MACF1: variants seen among roughly 807,000 people sequenced by gnomAD.
The protein encoded by MACF1 is microtubule-actin cross-linking factor 1.
MACF1 carries 193 observed loss-of-function variants against 854.8 expected under a neutral mutation model. That is an observed-to-expected ratio of 0.23 (90% CI 0.20 to 0.25). MACF1 has a LOEUF of 0.25. Ranked by LOEUF, MACF1 falls within the 10% of genes least tolerant of loss-of-function variation. MACF1 has a pLI of 1.00. For missense variants in MACF1, 7,722 were observed against 8,929.1 expected (o/e 0.86, Z 5.45); for synonymous variants, 3,185 against 3,226.7 (o/e 0.99, Z 0.44).
chr1:39,425,032 T>G (rs181275505), intron 61 of MACF1, among the ~76,000 whole-genome samples: 2 of 152,346 alleles, frequency 1.3e-5, no homozygotes, highest in Admixed American at 1.3e-4. Context: ...ATGGAAAGAA[T>G]TTAACTTACT....
intron 56 of MACF1, among the ~76,000 whole-genome samples, chr1:39,383,662 G>T (rs1650440660): frequency 6.6e-6 from 1 of 152,168 alleles, no homozygotes; most frequent in Non-Finnish European, 1.5e-5. Flanking sequence ...CAGATCACGA[G>T]GTCAGGAGAT....
intron 1 of MACF1, among the ~76,000 whole-genome samples, chr1:39,220,313 C>CAGG (rs1644634821): frequency 6.6e-6 from 1 of 151,486 alleles, no homozygotes; most frequent in African/African-American, 2.4e-5. Flanking sequence ...GCTGGGATTA[C>CAGG]AGGAGCGCAC....
In MACF1 at chr1:39,332,910, C is replaced by T; in HGVS notation, c.6322C>T (p.Gln2108Ter). 1.9e-6 allele frequency: 3 copies of T among 1,614,106 alleles called. No homozygotes were observed. Among genetic ancestry groups the T allele is most frequent in the Non-Finnish European group, 2.5e-6 (3 of 1,180,028 alleles). ...INKVKLEVQR[Q>*]LIGTQREDQT... is the part of the protein sequence containing the mutation. ...TAAAGTCAAATTAGAGGTACAAAGG[C>T]AGTTGATAGGTACCCAAAGGGAAGA... Residue 2108 changes from glutamine (Q) to a stop codon, truncating the protein, a stop_gained, in exon 37 of 101, where the codon CAG becomes TAG. Coordinates refer to ENST00000564288, the MANE Select transcript of MACF1 (RefSeq NM_001394062.1). LOFTEE classifies it high-confidence loss of function.
At chr1:39,370,426 A>G (rs1028610064) in intron 51 of MACF1, among the ~76,000 whole-genome samples, 5 of 152,226 alleles carry the variant, frequency 3.3e-5, no homozygotes, top group Non-Finnish European at 5.9e-5. Flanking sequence ...TAACCAGATA[A>G]TATGATCAGG....
intron 11 of MACF1, 47 bp downstream of exon 11, chr1:39,284,475 A>G (rs1041780565): frequency 2.4e-5 from 31 of 1,269,276 alleles, no homozygotes; most frequent in Non-Finnish European, 3.3e-5. Context: ...GCTGGTCTGT[A>G]CTGTTGTTGC....
At chr1:39,469,685 G>A (rs1644740062) in intron 97 of MACF1, 70 bp downstream of exon 97, 2 of 1,205,740 alleles carry the variant, frequency 1.7e-6, no homozygotes, top group African/African-American at 1.5e-5. Flanking sequence ...TTCTTAAACT[G>A]TAACATCTCT....
Position 39,454,786 on chromosome 1 carries a change from C to A in MACF1, c.20887-123C>A. ...CTACACTCCAGTGTGGGTGACAGAG[C>A]GAGAGTCTGTCTCCAAAAAAATAAA... On this transcript the variant is annotated intron_variant, in intron 88 of 100. Transcript: ENST00000564288. 7.2e-6 allele frequency: 6 copies of A among 834,222 alleles called. No individual in the cohort carries two copies. The South Asian group carries it at 1.1e-4, about 16-fold the overall frequency. The allele number at this position is 834,222 out of a possible 1,614,324, so 51.7% of individuals were successfully genotyped here. A position where few individuals can be genotyped will look rare whatever the true frequency, so the allele number is the denominator to read the frequency against.
intron 2 of MACF1, among the ~76,000 whole-genome samples, chr1:39,180,082 TG>T (rs899984521): frequency 6.6e-6 from 1 of 152,008 alleles, no homozygotes; most frequent in African/African-American, 2.4e-5. Context: ...GTAAGGAGCT[TG>T]GAGGGCTTTT....
At chr1:39,463,837 G>A (rs1269808429) in intron 94 of MACF1, 151 bp downstream of exon 94, 1 of 621,784 alleles carries the variant, frequency 1.6e-6, no homozygotes, top group Non-Finnish European at 2.9e-6. Context: ...CAAGTGTCAG[G>A]TACCCTGTTA....
chr1:39,151,794 G>GCTGAGAGAGGAAAGAGA (rs1479618931), intron 2 of MACF1, among the ~76,000 whole-genome samples: 1 of 152,006 alleles, frequency 6.6e-6, no homozygotes, highest in Non-Finnish European at 1.5e-5. Context: ...TAGATTATAA[G>GCTGAGAGAGGAAAGAGA]CTGAGAGAGG....
chr1:39,219,966 G>A (rs1238117411), intron 1 of MACF1, among the ~76,000 whole-genome samples: 1 of 152,104 alleles, frequency 6.6e-6, no homozygotes, highest in Non-Finnish European at 1.5e-5. Context: ...GGCCAGGCTA[G>A]TCTCGAACTC....
chr1:39,169,891 A>G (rs113461742), intron 2 of MACF1, among the ~76,000 whole-genome samples: 3 of 149,668 alleles, frequency 2.0e-5, no homozygotes, highest in African/African-American at 7.4e-5. Context: ...CTCCTGCCTC[A>G]GCCTCCCGAG....
At chr1:39,165,477 G>C (rs887360925) in intron 2 of MACF1, among the ~76,000 whole-genome samples, 10 of 152,174 alleles carry the variant, frequency 6.6e-5, no homozygotes, top group African/African-American at 2.4e-4. Context: ...TTTGGGGTTG[G>C]TTTCAGTTGC....
At chr1:39,472,402 A>AG in intron 97 of MACF1, among the ~76,000 whole-genome samples, 1 of 152,330 alleles carries the variant, frequency 6.6e-6, no homozygotes, top group Admixed American at 6.5e-5. Context: ...ACAGCTTCCA[A>AG]CTGTTTATTG....
chr1:39,354,957 A>G (rs567280987), intron 44 of MACF1, among the ~76,000 whole-genome samples: 27 of 152,356 alleles, frequency 1.8e-4, no homozygotes, highest in African/African-American at 6.0e-4. Flanking sequence ...ACCATCTTCA[A>G]GGGCATCAAC....
intron 2 of MACF1, among the ~76,000 whole-genome samples, chr1:39,131,735 G>A (rs1019092723): frequency 6.6e-6 from 1 of 152,200 alleles, no homozygotes; most frequent in African/African-American, 2.4e-5. Flanking sequence ...AAGTGGAGAT[G>A]GATAAAGAAA....
chr1:39,484,819 G>T, intron 100 of MACF1, 89 bp downstream of exon 100: 1 of 1,468,132 alleles, frequency 6.8e-7, no homozygotes, highest in Non-Finnish European at 9.5e-7. Context: ...CAAGGAGCGG[G>T]TAATGAGAGT....
chr1:39,403,391 G>A (rs190286697), intron 58 of MACF1, among the ~76,000 whole-genome samples: 10 of 152,230 alleles, frequency 6.6e-5, no homozygotes, highest in African/African-American at 2.4e-4. Context: ...GAGCCACCAC[G>A]CCTGGCCCAA....
At chr1:39,173,218 T>C (rs1643976297) in intron 2 of MACF1, among the ~76,000 whole-genome samples, 1 of 151,898 alleles carries the variant, frequency 6.6e-6, no homozygotes, top group Non-Finnish European at 1.5e-5. Context: ...CGCATGCCTG[T>C]AGTCCCAGCT....
Sources: gnomAD v4.1 joint callset for allele counts (sites outside exome capture counted in the v4.1 genomes callset) on GRCh38, gnomAD v4.1.1 for gene constraint, MANE v1.5 for transcripts, NCBI Gene and HGNC (gene_info 2026-07-23, HGNC 2026-07-21) for gene names.